Variants in SLC67A1 observed in about 807,000 individuals in gnomAD.
The protein encoded by SLC67A1 is solute carrier family 67 member A1.
chr11:2,921,508 A>G, the SLC67A1 span: 48 of 165,076 alleles, frequency 2.9e-4, no homozygotes, highest in African/African-American at 1.1e-3. Context: ...AGCTGAGATG[A>G]CCAGATAGAG....
At chr11:2,912,870 G>C in the SLC67A1 span, among the ~76,000 whole-genome samples, 1 of 152,206 alleles carries the variant, frequency 6.6e-6, no homozygotes, top group African/African-American at 2.4e-5. Context: ...GCCTTCCCCA[G>C]GTGGACAGGC....
At chr11:2,909,924 G>T in the SLC67A1 span, 3 of 505,884 alleles carry the variant, frequency 5.9e-6, no homozygotes, top group Non-Finnish European at 1.0e-5. Flanking sequence ...ATGTCCCAGT[G>T]CTGTCCGGGG....
the SLC67A1 span, chr11:2,916,190 A>T: frequency 0.42 from 67,855 of 160,258 alleles, 15,140 homozygotes; most frequent in Non-Finnish European, 0.49. Context: ...GAGGCAGCAT[A>T]GCCATCCCCA....
chr11:2,908,337 T>C, the SLC67A1 span: 59 of 1,519,858 alleles, frequency 3.9e-5, no homozygotes, highest in East Asian at 1.4e-3. Flanking sequence ...GCAGGTACAG[T>C]GTGTGTGTGT....
At chr11:2,900,611 T>A in the SLC67A1 span, among the ~76,000 whole-genome samples, 2 of 140,470 alleles carry the variant, frequency 1.4e-5, no homozygotes, top group Non-Finnish European at 3.0e-5. Flanking sequence ...GAGAATGGCG[T>A]GAACCCGGGA....
At chr11:2,914,613 T>G in the SLC67A1 span, 3 of 736,326 alleles carry the variant, frequency 4.1e-6, 1 homozygote, top group Admixed American at 1.2e-4. Flanking sequence ...CAGGCTTTCC[T>G]GTTGCCCACA....
chr11:2,906,354 C>T, the SLC67A1 span, among the ~76,000 whole-genome samples: 4 of 152,186 alleles, frequency 2.6e-5, no homozygotes, highest in African/African-American at 4.8e-5. Flanking sequence ...TTTGACCCAG[C>T]GATCCCATTA....
At chr11:2,924,416 G>A in the SLC67A1 span, among the ~76,000 whole-genome samples, 6 of 152,166 alleles carry the variant, frequency 3.9e-5, no homozygotes, top group Admixed American at 3.9e-4. The surrounding 1 kb of genome is among the most constrained non-coding windows in gnomAD (Gnocchi z 8.6). Flanking sequence ...GCCAGGAGGG[G>A]CCGTGGGATG....
chr11:2,914,668 C>T, the SLC67A1 span: 1 of 982,630 alleles, frequency 1.0e-6, no homozygotes, highest in Non-Finnish European at 1.2e-6. Context: ...GAGGGCCTGG[C>T]TTCCTGCCAC....
chr11:2,922,887 G>C, the SLC67A1 span, among the ~76,000 whole-genome samples: 2 of 152,180 alleles, frequency 1.3e-5, no homozygotes, highest in Non-Finnish European at 2.9e-5. Context: ...GGAGGCCCCG[G>C]GGACTTCTGG....
At chr11:2,910,600 G>A in the SLC67A1 span, among the ~76,000 whole-genome samples, 23 of 152,122 alleles carry the variant, frequency 1.5e-4, no homozygotes, top group African/African-American at 5.1e-4. Context: ...GGGTGAGAAT[G>A]GGGGGTGAGC....
the SLC67A1 span, chr11:2,899,797 G>A: frequency 7.5e-7 from 1 of 1,328,738 alleles, no homozygotes. Context: ...TCACCTGGAG[G>A]AAGACAGTGG....
chr11:2,902,469 C>A, the SLC67A1 span: 1 of 418,694 alleles, frequency 2.4e-6, no homozygotes, highest in Non-Finnish European at 3.0e-6. Context: ...GTGCCTGCTG[C>A]GGCTGCCCTG....
chr11:2,917,904 T>A, the SLC67A1 span: 1 of 1,091,422 alleles, frequency 9.2e-7, no homozygotes, highest in South Asian at 1.6e-5. Flanking sequence ...AACAGGGCCC[T>A]CCGAATGGCG....
chr11:2,900,237 GTTTGCACTCTTTGGGC>G, the SLC67A1 span, among the ~76,000 whole-genome samples: 1 of 152,166 alleles, frequency 6.6e-6, no homozygotes, highest in Non-Finnish European at 1.5e-5. Flanking sequence ...ATGCAAACAC[GTTTGCACTCTTTGGGC>G]TGGAATCCCC....
chr11:2,924,873 C>T, the SLC67A1 span: 3 of 721,356 alleles, frequency 4.2e-6, no homozygotes, highest in Non-Finnish European at 6.7e-6. The surrounding 1 kb of genome is among the most constrained non-coding windows in gnomAD (Gnocchi z 8.6). Context: ...GAGTATTTCA[C>T]CAGACTATGC....
the SLC67A1 span, among the ~76,000 whole-genome samples, chr11:2,915,605 G>T: frequency 6.6e-6 from 1 of 152,250 alleles, no homozygotes; most frequent in African/African-American, 2.4e-5. Context: ...ATTCTAGCCA[G>T]CTGGTAAAGC....
chr11:2,915,455 G>A, the SLC67A1 span, among the ~76,000 whole-genome samples: 1 of 152,182 alleles, frequency 6.6e-6, no homozygotes, highest in East Asian at 1.9e-4. Context: ...CCTGGCCAGG[G>A]CAGATTTGGA....
chr11:2,916,557 G>C, the SLC67A1 span: 1 of 1,200,384 alleles, frequency 8.3e-7, no homozygotes, highest in Non-Finnish European at 1.2e-6. Context: ...GCAGGTTGGG[G>C]GATGTGGCTG....
Sources: gnomAD v4.1 joint callset for allele counts (sites outside exome capture counted in the v4.1 genomes callset) on GRCh38, gnomAD v4.1.1 for gene constraint, Gnocchi (gnomAD v3.1) non-coding constraint, MANE v1.5 for transcripts, NCBI Gene and HGNC (gene_info 2026-07-23, HGNC 2026-07-21) for gene names.